Variants in CAPN10 observed in about 807,000 individuals in gnomAD.
The protein encoded by CAPN10 is calpain 10.
In CAPN10, 71 loss-of-function variants were observed where a neutral mutation model predicts 78.4. That is an observed-to-expected ratio of 0.91 (90% CI 0.75 to 1.10). CAPN10 has a LOEUF of 1.10. Among genes scored for constraint, CAPN10 ranks in the 50% least tolerant of loss-of-function variants. The pLI is 0.00. For missense variants in CAPN10, 849 were observed against 924.6 expected (o/e 0.92, Z 1.06); for synonymous variants, 437 against 407.2 (o/e 1.07, Z -0.88).
intron 1 of CAPN10, 146 bp downstream of exon 1, chr2:240,587,198 T>A: frequency 2.4e-6 from 1 of 415,104 alleles, no homozygotes; most frequent in Non-Finnish European, 4.2e-6. Flanking sequence ...CCCGGCCCCC[T>A]CTTTTCGTAC....
intron 3 of CAPN10, chr2:240,591,701 G>A (rs2093102946): frequency 1.7e-6 from 1 of 574,704 alleles, no homozygotes; most frequent in Non-Finnish European, 3.1e-6. Context: ...ATGCCAGAGA[G>A]TTTCTGTGTG....
At chr2:240,590,657 T>A (rs1022899186) in intron 2 of CAPN10, 158 bp from the exon 3 acceptor site, 1 of 608,898 alleles carries the variant, frequency 1.6e-6, no homozygotes, top group Admixed American at 2.9e-5. Flanking sequence ...AGGTGTGCCG[T>A]AGAGTTCTCT....
At chr2:240,594,820 G>GCA (rs2093125730) in intron 6 of CAPN10, 111 bp downstream of exon 6, 1 of 612,050 alleles carries the variant, frequency 1.6e-6, no homozygotes, top group Admixed American at 5.5e-5. Context: ...TCTTCAGCGT[G>GCA]GAGAGATGAT....
At chr2:240,595,403 C>A in intron 7 of CAPN10, 99 bp downstream of exon 7, 2 of 1,312,532 alleles carry the variant, frequency 1.5e-6, no homozygotes, top group Non-Finnish European at 2.1e-6. Context: ...ACACATGTGA[C>A]TCTGCCACGG....
chr2:240,593,808 G>C (rs1008327343), intron 4 of CAPN10, 98 bp from the exon 5 acceptor site: 2 of 1,417,062 alleles, frequency 1.4e-6, no homozygotes, highest in African/African-American at 2.9e-5. Context: ...GGGTGGGCTG[G>C]AGCATCTCCA....
Position 240,598,855 on chromosome 2 carries a change from A to C in CAPN10, c.*175A>C. On this transcript the variant is annotated 3_prime_UTR_variant, in exon 12 of 12. Transcript: ENST00000391984. Reference sequence around the variant, plus strand: ...CCACGGGAAGCCTCCGTCAGGAGAGACGCAGCCCTGGGGGCCAGCTGGTGC... The same window carrying C: ...CCACGGGAAGCCTCCGTCAGGAGAGCCGCAGCCCTGGGGGCCAGCTGGTGC... 1 of 638,708 alleles carries C rather than the reference A, an allele frequency of 1.6e-6. No individual in the cohort carries two copies. Among genetic ancestry groups the C allele is most frequent in the Non-Finnish European group, 2.8e-6 (1 of 356,192 alleles). 39.6% of individuals were successfully genotyped at this position (638,708 alleles called of 1,614,324 possible). A position where few individuals can be genotyped will look rare whatever the true frequency, so the allele number is the denominator to read the frequency against.
At position 240,593,864 on chromosome 2, in the gene CAPN10, A is replaced by G. The variant is rs1356846237; in HGVS notation, c.689-42A>G. 8 of 1,547,506 alleles carry G rather than the reference A, an allele frequency of 5.2e-6. No individual in the cohort carries two copies. In the Admixed American group the frequency reaches 9.0e-5, roughly 17 times the overall value. The stretch of plus-strand genomic sequence containing the variant: ...TGTGTCCTTGTCAGTTTGGGACTCC[A>G]TGGTGCCCTTCCTGCCTGTGCCTGC... On this transcript the variant is annotated intron_variant, in intron 4 of 11. Transcript: ENST00000391984.
chr2:240,593,185 G>A (rs2093113754), intron 4 of CAPN10, among the ~76,000 whole-genome samples: 1 of 152,228 alleles, frequency 6.6e-6, no homozygotes, highest in Non-Finnish European at 1.5e-5. Context: ...GGTGCTCCAG[G>A]GTGGGGTAGC....
At chr2:240,594,173 C>T (rs1184545063) in intron 5 of CAPN10, 126 bp downstream of exon 5, 3 of 1,023,790 alleles carry the variant, frequency 2.9e-6, no homozygotes, top group Non-Finnish European at 4.1e-6. Context: ...CCCTGAGTCC[C>T]TGCTCTCGTG....
rs571223554 is a variant in CAPN10 at position 240,589,624 on chromosome 2, A to G, written c.273+150A>G. ...GGGGAAGGCAGGAGAGTTCCAAGGC[A>G]GAGGCTGAGGACTGCACTCTGTCCC... On this transcript the variant is annotated intron_variant, in intron 2 of 11. Transcript: ENST00000391984. The G allele has an allele frequency of 2.0e-5, 21 of 1,024,760 alleles. No homozygotes were observed. In the African/African-American group the frequency reaches 2.4e-4, roughly 12 times the overall value. The allele number at this position is 1,024,760 out of a possible 1,614,324, so 63.5% of individuals were successfully genotyped here. A position where few individuals can be genotyped will look rare whatever the true frequency, so the allele number is the denominator to read the frequency against.
intron 1 of CAPN10, among the ~76,000 whole-genome samples, chr2:240,587,305 GA>G (rs2093074781): frequency 6.6e-6 from 1 of 152,236 alleles, no homozygotes; most frequent in Non-Finnish European, 1.5e-5. Context: ...TCCAATCCAG[GA>G]GGCTCAGAGC....
intron 4 of CAPN10, chr2:240,592,800 G>A (rs574197852): frequency 5.1e-5 from 11 of 217,720 alleles, no homozygotes; most frequent in South Asian, 2.4e-4. Flanking sequence ...CCCCATGAGC[G>A]GGTTTGCCAC....
rs370061942 is a variant in CAPN10, at chr2:240,592,189, G to A, written c.688+39G>A. On this transcript the variant is annotated intron_variant, in intron 4 of 11. Coordinates refer to ENST00000391984, the MANE Select transcript of CAPN10 (RefSeq NM_023083.4). The stretch of plus-strand genomic sequence containing the variant: ...CCAGCATGGGAGGGCTGCAGCCAGC[G>A]TGCCCCCCACTGCCAGGCCTCAGGC... The A allele has an allele frequency of 6.3e-5, 96 of 1,515,504 alleles. No individual in the cohort carries two copies. The East Asian group carries it at 1.0e-3, about 16-fold the overall frequency. The allele number at this position is 1,515,504 out of a possible 1,614,324, so 93.9% of individuals were successfully genotyped here.
intron 9 of CAPN10, 91 bp downstream of exon 9, chr2:240,597,033 G>GA: frequency 1.3e-6 from 2 of 1,515,572 alleles, no homozygotes; most frequent in Non-Finnish European, 1.8e-6. Flanking sequence ...AGAGGGCTCT[G>GA]GGCTCAGTCA....
Position 240,586,894 on chromosome 2 carries a change from G to A in CAPN10, c.-18G>A. The A allele has an allele frequency of 7.2e-7, 1 of 1,381,806 alleles. No homozygotes were observed. The highest frequency in any genetic ancestry group is 9.3e-7 in the Non-Finnish European group (1 of 1,069,976). The allele number at this position is 1,381,806 out of a possible 1,614,324, so 85.6% of individuals were successfully genotyped here. A position where few individuals can be genotyped will look rare whatever the true frequency, so the allele number is the denominator to read the frequency against. ...CCCCGAGGCAACCGGCTGCAGATGG[G>A]AGCCCGCGGAGCCGAGGATGCGGGC... On this transcript the variant is annotated 5_prime_UTR_variant, in exon 1 of 12. Transcript: ENST00000391984.
chr2:240,597,417 C>A (rs1469360232), intron 9 of CAPN10, among the ~76,000 whole-genome samples: 3 of 152,182 alleles, frequency 2.0e-5, no homozygotes, highest in Non-Finnish European at 4.4e-5. Flanking sequence ...GTCCACTTAC[C>A]CTGACTCAGA....
rs199705143 is a variant in CAPN10 at position 240,593,889 on chromosome 2, C to A, written c.689-17C>A. 1 of 1,580,482 alleles carries A rather than the reference C, an allele frequency of 6.3e-7. No homozygotes were observed. Among genetic ancestry groups the A allele is most frequent in the Admixed American group, 1.7e-5 (1 of 58,436 alleles). On this transcript the variant is annotated splice_polypyrimidine_tract_variant and intron_variant, in intron 4 of 11. Transcript: ENST00000391984. ...ATGGTGCCCTTCCTGCCTGTGCCTG[C>A]GCCATTCCTCATGCAGGTGCCCGGG...
In CAPN10 at chr2:240,587,016, C is replaced by T. The variant is rs757932994; in HGVS notation, c.105C>T (p.Ala35=). 1.2e-5 allele frequency: 18 copies of T among 1,467,424 alleles called. No homozygotes were observed. Among genetic ancestry groups the T allele is most frequent in the Non-Finnish European group, 1.5e-5 (17 of 1,106,194 alleles). The allele number at this position is 1,467,424 out of a possible 1,614,324, so 90.9% of individuals were successfully genotyped here. Residue 35 remains alanine (A), a synonymous_variant, in exon 1 of 12, where the codon GCC becomes GCT. Coordinates refer to ENST00000391984, the MANE Select transcript of CAPN10 (RefSeq NM_023083.4). ...TCTGCGACTTGTCTACGCCGCTGGC[C>T]CAGTTCCGCGAGGACATCACGTGGA... ...SLFCDLSTPL[A]QFREDITWRR...
At chr2:240,597,716 G>A (rs1416673489) in intron 9 of CAPN10, among the ~76,000 whole-genome samples, 172 bp from the exon 10 acceptor site, 1 of 152,170 alleles carries the variant, frequency 6.6e-6, no homozygotes, top group Non-Finnish European at 1.5e-5. Flanking sequence ...TTCTGGCAAG[G>A]GTGGCCAGGC....
Sources: gnomAD v4.1 joint callset for allele counts (sites outside exome capture counted in the v4.1 genomes callset) on GRCh38, gnomAD v4.1.1 for gene constraint, MANE v1.5 for transcripts, NCBI Gene and HGNC (gene_info 2026-07-23, HGNC 2026-07-21) for gene names.